The following CLNK variants were observed in gnomAD, a reference collection of about 807,000 sequenced individuals.
The protein encoded by CLNK is cytokine-dependent hematopoietic cell linker.
CLNK carries 74 observed loss-of-function variants against 68.6 expected under a neutral mutation model. That is an observed-to-expected ratio of 1.08 (90% CI 0.89 to 1.31). The LOEUF (loss-of-function observed/expected upper bound fraction) is 1.31, where lower values mean the gene tolerates loss of function less well. CLNK is among the 50% of genes most tolerant of loss of function. CLNK has a pLI of 0.00. For missense variants in CLNK, 553 were observed against 515.3 expected, an observed-to-expected ratio of 1.07 and a Z score of -0.71; for synonymous variants, 198 against 172.2, an observed-to-expected ratio of 1.15 and a Z score of -1.17.
At chr4:10,706,256 C>T in the CLNK span, among the ~76,000 whole-genome samples, 1 of 152,190 alleles carries the variant, frequency 6.6e-6, no homozygotes, top group Non-Finnish European at 1.5e-5. Context: ...CTCAGTTTCA[C>T]CCTCTGAACT....
rs1371821009 is a variant in CLNK at position 10,490,591 on chromosome 4, A to T, written c.1163T>A (p.Ile388Asn). The T allele has an allele frequency of 2.5e-6, 4 of 1,576,672 alleles. No individual in the cohort carries two copies. Among genetic ancestry groups the T allele is most frequent in the East Asian group, 2.3e-5 (1 of 43,476 alleles). Residue 388 changes from isoleucine to asparagine, a missense_variant, in exon 19 of 19, where the codon ATC becomes AAC. Coordinates refer to ENST00000226951, the MANE Select transcript of CLNK (RefSeq NM_052964.4). ...GDEKFDSVED[I>N]IEHYKNFPII... ...GGGAAAATTCTTGTAGTGTTCGATGATGTCTTCTACTGAATCAAACTTCTG... is the reference window on the plus strand; with the variant it reads ...GGGAAAATTCTTGTAGTGTTCGATGTTGTCTTCTACTGAATCAAACTTCTG...
intron 18 of CLNK, among the ~76,000 whole-genome samples, chr4:10,494,565 C>T (rs1338372322): frequency 6.6e-6 from 1 of 151,432 alleles, no homozygotes; most frequent in Non-Finnish European, 1.5e-5. Context: ...TCAAGCAATT[C>T]TCCTGCCTCA....
intron 16 of CLNK, among the ~76,000 whole-genome samples, chr4:10,510,280 T>G (rs1717522867): frequency 6.6e-6 from 1 of 152,104 alleles, no homozygotes; most frequent in South Asian, 2.1e-4. Flanking sequence ...CCCTGAATAA[T>G]TCAAAAGGAA....
intron 2 of CLNK, among the ~76,000 whole-genome samples, chr4:10,636,814 C>T: frequency 6.6e-6 from 1 of 152,138 alleles, no homozygotes; most frequent in East Asian, 1.9e-4. Flanking sequence ...CACTGCTCAC[C>T]CACTTTGTCC....
chr4:10,733,088 G>A, the CLNK span, among the ~76,000 whole-genome samples: 1 of 151,976 alleles, frequency 6.6e-6, no homozygotes, highest in Non-Finnish European at 1.5e-5. Flanking sequence ...CCCCCTTTCG[G>A]TTATAGCTGT....
chr4:10,638,451 T>G (rs1167897224), intron 2 of CLNK, among the ~76,000 whole-genome samples: 3 of 152,270 alleles, frequency 2.0e-5, no homozygotes, highest in East Asian at 1.9e-4. Flanking sequence ...ATATATGAAA[T>G]GATGACATGG....
At chr4:10,699,940 C>T in the CLNK span, among the ~76,000 whole-genome samples, 1 of 151,636 alleles carries the variant, frequency 6.6e-6, no homozygotes, top group African/African-American at 2.4e-5. Flanking sequence ...TTATTTTCCT[C>T]TAATATTTTT....
intron 2 of CLNK, among the ~76,000 whole-genome samples, chr4:10,636,433 C>A (rs751828658): frequency 6.6e-6 from 1 of 152,146 alleles, no homozygotes; most frequent in African/African-American, 2.4e-5. Flanking sequence ...CTGGAAGATA[C>A]GAGAGAGCAC....
At chr4:10,587,431 A>G (rs146768589) in intron 3 of CLNK, among the ~76,000 whole-genome samples, 181 of 152,326 alleles carry the variant, frequency 1.2e-3, no homozygotes, top group African/African-American at 4.2e-3. Context: ...TGCCTTTAAT[A>G]ATCCCAGGCC....
At chr4:10,565,348 A>G (rs1720065564) in intron 6 of CLNK, among the ~76,000 whole-genome samples, 1 of 152,202 alleles carries the variant, frequency 6.6e-6, no homozygotes, top group Non-Finnish European at 1.5e-5. Flanking sequence ...ACACTTCTAT[A>G]GATTCACTTT....
intron 14 of CLNK, among the ~76,000 whole-genome samples, chr4:10,525,222 A>G (rs578149365): frequency 4.9e-4 from 75 of 151,724 alleles, no homozygotes; most frequent in African/African-American, 1.7e-3. Flanking sequence ...CCGCCACCAC[A>G]CTCGGCTAAT....
chr4:10,643,874 C>T (rs1253328212), intron 2 of CLNK, among the ~76,000 whole-genome samples: 2 of 152,304 alleles, frequency 1.3e-5, no homozygotes, highest in Middle Eastern at 3.4e-3. Flanking sequence ...AACTGTAGTT[C>T]CCTAGATCAT....
chr4:10,677,458 A>G (rs1194833717), intron 1 of CLNK, among the ~76,000 whole-genome samples: 1 of 152,108 alleles, frequency 6.6e-6, no homozygotes, highest in Non-Finnish European at 1.5e-5. Context: ...AGAGTAATAC[A>G]ACTTAGAGTA....
At chr4:10,491,947 G>C (rs559202864) in intron 18 of CLNK, among the ~76,000 whole-genome samples, 6 of 152,232 alleles carry the variant, frequency 3.9e-5, no homozygotes, top group African/African-American at 1.2e-4. Flanking sequence ...CCCTCTCTGA[G>C]CCTTCAATGT....
At chr4:10,689,745 A>AGTTTTTTTTTT (rs1553868026), upstream of CLNK, among the ~76,000 whole-genome samples, 1 of 100,094 alleles carries the variant, frequency 1.0e-5, no homozygotes, top group African/African-American at 3.5e-5. Context: ...AAACCCATGC[A>AGTTTTTTTTTT]TTTTTTTTTT....
At chr4:10,721,791 C>T in the CLNK span, among the ~76,000 whole-genome samples, 5 of 152,184 alleles carry the variant, frequency 3.3e-5, no homozygotes, top group Admixed American at 6.5e-5. Flanking sequence ...CATTTATTTA[C>T]ACATTCATCA....
intron 14 of CLNK, among the ~76,000 whole-genome samples, chr4:10,521,514 A>G (rs1718063013): frequency 1.3e-5 from 2 of 152,250 alleles, no homozygotes; most frequent in Non-Finnish European, 2.9e-5. Flanking sequence ...AAATCTAATT[A>G]CATGAGTGAT....
At chr4:10,716,227 T>C in the CLNK span, among the ~76,000 whole-genome samples, 5 of 152,334 alleles carry the variant, frequency 3.3e-5, no homozygotes, top group Admixed American at 2.6e-4. Flanking sequence ...CCTTGTTTTT[T>C]CACCTTTTGT....
intron 18 of CLNK, among the ~76,000 whole-genome samples, 163 bp from the exon 19 acceptor site, chr4:10,490,776 T>C (rs1385989948): frequency 6.6e-6 from 1 of 152,168 alleles, no homozygotes; most frequent in Non-Finnish European, 1.5e-5. Context: ...TTTGTTTGTT[T>C]TTTTCTGAGA....
Sources: allele counts gnomAD v4.1 joint callset (sites outside exome capture counted in the v4.1 genomes callset), GRCh38; gene constraint gnomAD v4.1.1; transcripts MANE v1.5; gene names NCBI Gene and HGNC (gene_info 2026-07-23, HGNC 2026-07-21).